Variants in SDK2 observed in about 807,000 individuals in gnomAD.
The protein encoded by SDK2 is sidekick cell adhesion molecule 2, also known as protein sidekick-2.
A neutral mutation model predicts 253.9 loss-of-function variants in SDK2; 105 were observed. That is an observed-to-expected ratio of 0.41 (90% CI 0.35 to 0.49). The LOEUF (loss-of-function observed/expected upper bound fraction) is 0.49, where lower values mean the gene tolerates loss of function less well. Ranked by LOEUF, SDK2 falls within the 20% of genes least tolerant of loss-of-function variation. SDK2 has a pLI of 0.06. For synonymous variants in SDK2, 1,249 were observed against 1,234.9 expected (o/e 1.01, Z -0.24); for missense variants, 2,608 against 3,003.0 (o/e 0.87, Z 3.07).
intron 40 of SDK2, among the ~76,000 whole-genome samples, chr17:73,355,093 C>T (rs1243583274): frequency 1.4e-5 from 2 of 145,702 alleles, no homozygotes; most frequent in Non-Finnish European, 3.0e-5. Flanking sequence ...CAGAAGGCTC[C>T]GGGGTCCCGA....
chr17:73,569,198 T>C (rs576625558), intron 1 of SDK2, among the ~76,000 whole-genome samples: 1 of 150,270 alleles, frequency 6.7e-6, no homozygotes, highest in East Asian at 1.9e-4. Flanking sequence ...TTCTTTCTTT[T>C]CTTTTTTTTT....
At chr17:73,367,195 G>T (rs2062692547) in intron 37 of SDK2, among the ~76,000 whole-genome samples, 1 of 152,104 alleles carries the variant, frequency 6.6e-6, no homozygotes, top group South Asian at 2.1e-4. Flanking sequence ...TTTAAGTACA[G>T]ATAGGGTTTC....
Position 73,352,347 on chromosome 17 carries a change from A to G in SDK2, c.5758+126T>C. ...TGCCTCTTCACAGCCCCGAGGGGAC[A>G]ATGTGTTTTTGTTCCCGCCCCATGC... is the stretch of plus-strand genomic sequence containing the variant. On this transcript the variant is annotated intron_variant, in intron 41 of 44. Coordinates refer to ENST00000392650, the MANE Select transcript of SDK2 (RefSeq NM_001144952.2). This position sits in a 1 kb window ranked among gnomAD's most constrained non-coding sequence, Gnocchi z 4.1. The G allele has an allele frequency of 1.7e-6, 2 of 1,191,426 alleles. No individual in the cohort carries two copies. The highest frequency in any genetic ancestry group is 1.2e-6 in the Non-Finnish European group (1 of 859,430). 73.8% of individuals were successfully genotyped at this position (1,191,426 alleles called of 1,614,324 possible). A position where few individuals can be genotyped will look rare whatever the true frequency, so the allele number is the denominator to read the frequency against.
intron 32 of SDK2, among the ~76,000 whole-genome samples, chr17:73,384,716 T>TTG (rs1187647125): frequency 1.3e-5 from 2 of 152,174 alleles, no homozygotes; most frequent in African/African-American, 2.4e-5. Context: ...CTTGGAAGGC[T>TTG]GAGGAAAGAG....
In SDK2 at chr17:73,352,735, G is replaced by C; in HGVS notation, c.5594-98C>G. ...ACTATGCTCCCTGAGGGCTGGGCCT[G>C]TTGGATCCTCCCTGCTCCACACTGA... On this transcript the variant is annotated intron_variant, in intron 40 of 44. Coordinates refer to ENST00000392650, the MANE Select transcript of SDK2 (RefSeq NM_001144952.2). The surrounding 1 kb of genome is among the most constrained non-coding windows in gnomAD (Gnocchi z 4.1). 1.6e-6 allele frequency: 2 copies of C among 1,253,554 alleles called. No individual in the cohort carries two copies. The highest frequency in any genetic ancestry group is 2.9e-5 in the African/African-American group (2 of 67,870). 77.7% of individuals were successfully genotyped at this position (1,253,554 alleles called of 1,614,324 possible). A position where few individuals can be genotyped will look rare whatever the true frequency, so the allele number is the denominator to read the frequency against.
chr17:73,536,451 C>T (rs1448005533), intron 1 of SDK2, among the ~76,000 whole-genome samples: 1 of 152,108 alleles, frequency 6.6e-6, no homozygotes, highest in Non-Finnish European at 1.5e-5. Context: ...GACCCCTGCA[C>T]CTCTCTGCCA....
chr17:73,447,579 C>T lies in SDK2; in HGVS notation c.613+36G>A, dbSNP rs971150196. 138 of 1,550,094 alleles carry T rather than the reference C, an allele frequency of 8.9e-5. No homozygotes were observed. Among genetic ancestry groups the T allele is most frequent in the Admixed American group, 1.2e-4 (6 of 50,960 alleles). On this transcript the variant is annotated intron_variant, in intron 5 of 44. Transcript: ENST00000392650. The surrounding 1 kb of genome is among the most constrained non-coding windows in gnomAD (Gnocchi z 4.0). ...GCACCATTGCTAAGATTTAATGGCC[C>T]GCTCCAAGATCGGTCCCGGCCCTGT... is the stretch of plus-strand genomic sequence containing the variant.
chr17:73,634,743 C>T lies in SDK2; in HGVS notation c.64+9282G>A, dbSNP rs568268983. On this transcript the variant is annotated intron_variant, in intron 1 of 44. Transcript: ENST00000392650. ...GCAGGCCCCAAACGGACCTTGCTTC[C>T]AAGATAAAGATACTAAGGACAATGA... 1.2e-4 allele frequency among the ~76,000 whole-genome samples: 19 copies of T among 152,292 alleles called. No individual in the cohort carries two copies. The South Asian group carries it at 3.9e-3, about 32-fold the overall frequency.
At chr17:73,372,129 G>GACAGCTGTCTTCACAAACCAGGC in intron 36 of SDK2, among the ~76,000 whole-genome samples, 1 of 152,306 alleles carries the variant, frequency 6.6e-6, no homozygotes, top group South Asian at 2.1e-4. Context: ...AGAACCCAGG[G>GACAGCTGTCTTCACAAACCAGGC]ACAGCTGTCT....
chr17:73,446,431 G>A (rs139441848), intron 5 of SDK2, among the ~76,000 whole-genome samples: 2 of 152,228 alleles, frequency 1.3e-5, no homozygotes, highest in East Asian at 1.9e-4. Flanking sequence ...TCTCCTCCCC[G>A]CATTCAGATT....
chr17:73,417,327 G>C (rs938474263), intron 16 of SDK2, among the ~76,000 whole-genome samples: 1 of 151,518 alleles, frequency 6.6e-6, no homozygotes, highest in African/African-American at 2.4e-5. Flanking sequence ...GATCACTTGA[G>C]CCCAGGAGGT....
At chr17:73,554,046 G>A (rs1025599128) in intron 1 of SDK2, among the ~76,000 whole-genome samples, 3 of 152,070 alleles carry the variant, frequency 2.0e-5, no homozygotes, top group African/African-American at 7.3e-5. Flanking sequence ...ATGTCCTCCA[G>A]GGGGAGCTGG....
At chr17:73,422,834 C>A (rs1356193681) in intron 14 of SDK2, among the ~76,000 whole-genome samples, 1 of 151,978 alleles carries the variant, frequency 6.6e-6, no homozygotes, top group African/African-American at 2.4e-5. Context: ...CCAGCCTGAC[C>A]AATATGGTGA....
intron 37 of SDK2, among the ~76,000 whole-genome samples, chr17:73,366,088 C>A (rs2062682391): frequency 6.6e-6 from 1 of 152,196 alleles, no homozygotes; most frequent in African/African-American, 2.4e-5. Flanking sequence ...GGGAGGATGA[C>A]CAGGCTATTA....
intron 1 of SDK2, among the ~76,000 whole-genome samples, chr17:73,615,402 C>T (rs539102820): frequency 6.6e-6 from 1 of 152,292 alleles, no homozygotes; most frequent in East Asian, 1.9e-4. Flanking sequence ...GCCCTAGTCC[C>T]AGTGGAGCTA....
chr17:73,355,060 A>G (rs961016925), intron 40 of SDK2, among the ~76,000 whole-genome samples: 1 of 150,012 alleles, frequency 6.7e-6, no homozygotes, highest in East Asian at 2.0e-4. Context: ...ATGGGGACCC[A>G]GTCTACATCA....
intron 2 of SDK2, among the ~76,000 whole-genome samples, chr17:73,493,711 T>G (rs2063822960): frequency 6.6e-6 from 1 of 152,216 alleles, no homozygotes; most frequent in African/African-American, 2.4e-5. Flanking sequence ...GCCCTCCTTG[T>G]GAGAATTAAA....
At chr17:73,466,752 G>A (rs1455080964) in intron 3 of SDK2, among the ~76,000 whole-genome samples, 1 of 151,236 alleles carries the variant, frequency 6.6e-6, no homozygotes, top group Non-Finnish European at 1.5e-5. Flanking sequence ...ATCTTTGGGG[G>A]GCTCTGGGCT....
Position 73,435,338 on chromosome 17 carries a change from T to C in SDK2, c.1195+112A>G. 9.0e-7 allele frequency: 1 copy of C among 1,105,862 alleles called. No individual in the cohort carries two copies. Among genetic ancestry groups the C allele is most frequent in the Non-Finnish European group, 1.3e-6 (1 of 792,256 alleles). The allele number at this position is 1,105,862 out of a possible 1,614,324, so 68.5% of individuals were successfully genotyped here. A position where few individuals can be genotyped will look rare whatever the true frequency, so the allele number is the denominator to read the frequency against. On this transcript the variant is annotated intron_variant, in intron 9 of 44. Coordinates refer to ENST00000392650, the MANE Select transcript of SDK2 (RefSeq NM_001144952.2). The surrounding 1 kb of genome is among the most constrained non-coding windows in gnomAD (Gnocchi z 5.7). ...GGCAGCAGGCGGCCTTTGGGGATCCTATCTGCTTAATGGAACGTGCTATGC... is the reference window on the plus strand; with the variant it reads ...GGCAGCAGGCGGCCTTTGGGGATCCCATCTGCTTAATGGAACGTGCTATGC...
Sources: allele counts gnomAD v4.1 joint callset (sites outside exome capture counted in the v4.1 genomes callset), GRCh38; gene constraint gnomAD v4.1.1; non-coding constraint Gnocchi (gnomAD v3.1); transcripts MANE v1.5; gene names NCBI Gene and HGNC (gene_info 2026-07-23, HGNC 2026-07-21).